The following SH3KBP1 variants were observed in gnomAD, a reference collection of about 807,000 sequenced individuals.
SH3KBP1 encodes the protein SH3 domain containing kinase binding protein 1.
Under a neutral mutation model 50.1 loss-of-function variants are expected in SH3KBP1, and 8 were observed. That is an observed-to-expected ratio of 0.16 (90% CI 0.09 to 0.29). SH3KBP1 has a LOEUF of 0.29. SH3KBP1 is among the 10% of genes least tolerant of loss of function. SH3KBP1 has a pLI of 1.00. For synonymous variants in SH3KBP1, 227 were observed against 218.6 expected (o/e 1.04, Z -0.34); for missense variants, 377 against 535.2 (o/e 0.70, Z 2.92).
intron 13 of SH3KBP1, among the ~76,000 whole-genome samples, chrX:19,554,841 A>G (rs113245052): frequency 1.2e-4 from 14 of 113,129 alleles, no homozygotes; most frequent in Non-Finnish European, 2.4e-4. Flanking sequence ...AGGGAACCTC[A>G]GGTTACCCTG....
At chrX:19,606,485 C>T (rs766218785) in intron 9 of SH3KBP1, among the ~76,000 whole-genome samples, 8 of 112,702 alleles carry the variant, frequency 7.1e-5, no homozygotes, top group Non-Finnish European at 1.3e-4. Context: ...ACTATTGCTA[C>T]AGTCATCAGT....
At chrX:19,559,028 G>C (rs746344582) in intron 13 of SH3KBP1, among the ~76,000 whole-genome samples, 2 of 110,288 alleles carry the variant, frequency 1.8e-5, no homozygotes, top group African/African-American at 6.6e-5. Flanking sequence ...AGCACATTGG[G>C]AGGTCGAGGC....
At chrX:19,540,908 A>C (rs2147525979) in intron 16 of SH3KBP1, among the ~76,000 whole-genome samples, 1 of 110,199 alleles carries the variant, frequency 9.1e-6, no homozygotes, top group South Asian at 3.8e-4. Flanking sequence ...TACTCAGAGC[A>C]GTGCCTCCCT....
rs545682509 is a variant in SH3KBP1, at chrX:19,876,382, A to T, written c.4+10925T>A. On this transcript the variant is annotated intron_variant, in intron 1 of 17. Transcript: ENST00000397821. ...TCAAGAAAACAAAAACAAACAAACA[A>T]AAAAAACACCTAGATGGGTTAAGAT... Among the ~76,000 whole-genome samples, 73 of 109,180 alleles carry T rather than the reference A, an allele frequency of 6.7e-4. 1 individual carries two copies. In the South Asian group the frequency reaches 0.026, roughly 38 times the overall value. The allele number at this position is 109,180 out of a possible 115,157, so 94.8% of individuals were successfully genotyped here.
At chrX:19,577,475 T>C (rs376939482) in intron 12 of SH3KBP1, among the ~76,000 whole-genome samples, 1 of 111,156 alleles carries the variant, frequency 9.0e-6, no homozygotes, top group African/African-American at 3.3e-5. Flanking sequence ...TAAACAAAAA[T>C]CATGCACTCG....
intron 4 of SH3KBP1, among the ~76,000 whole-genome samples, chrX:19,696,575 G>C (rs1378246091): frequency 9.0e-6 from 1 of 111,301 alleles, no homozygotes; most frequent in Non-Finnish European, 1.9e-5. Flanking sequence ...GAATGGATGA[G>C]GCAGATTTGG....
chrX:19,887,372 G>T lies in SH3KBP1; in HGVS notation c.-62C>A, dbSNP rs2069626957. The T allele has an allele frequency of 7.6e-6, 7 of 919,265 alleles. 1 individual carries two copies. The highest frequency in any genetic ancestry group is 9.5e-6 in the Non-Finnish European group (7 of 735,851). 75.8% of individuals were successfully genotyped at this position (919,265 alleles called of 1,213,427 possible). On this transcript the variant is annotated 5_prime_UTR_variant, in exon 1 of 18. Coordinates refer to ENST00000397821, the MANE Select transcript of SH3KBP1 (RefSeq NM_031892.3). ...AAAGTTGGCGGAGGCGGGCGTGGGG[G>T]TTGGGGCGCCGGGATCGGGGCGCTG...
At chrX:19,751,366 G>T (rs980510764) in intron 2 of SH3KBP1, among the ~76,000 whole-genome samples, 1 of 111,165 alleles carries the variant, frequency 9.0e-6, no homozygotes, top group Non-Finnish European at 1.9e-5. Flanking sequence ...CATCAGGCCC[G>T]TGTTTTTTTG....
intron 4 of SH3KBP1, among the ~76,000 whole-genome samples, chrX:19,699,063 C>T (rs2044196613): frequency 8.9e-6 from 1 of 111,774 alleles, no homozygotes; most frequent in Non-Finnish European, 1.9e-5. Flanking sequence ...GGTACTGCCA[C>T]ACCCAGGACT....
At chrX:19,584,332 C>CAT (rs1288912657) in intron 12 of SH3KBP1, among the ~76,000 whole-genome samples, 4 of 97,197 alleles carry the variant, frequency 4.1e-5, no homozygotes, top group South Asian at 4.4e-4. Context: ...TATAAATACA[C>CAT]ATATATATAT....
intron 6 of SH3KBP1, among the ~76,000 whole-genome samples, chrX:19,668,969 TATA>T (rs1420233778): frequency 8.7e-4 from 44 of 50,668 alleles, no homozygotes; most frequent in African/African-American, 2.3e-3. Flanking sequence ...TATATATATA[TATA>T]TATTTTTTGA....
In SH3KBP1 at chrX:19,594,985, G is replaced by A; in HGVS notation, c.1021C>T (p.Pro341Ser). The A allele has an allele frequency of 1.7e-6, 2 of 1,199,881 alleles. No homozygotes were observed. Among genetic ancestry groups the A allele is most frequent in the Non-Finnish European group, 2.3e-6 (2 of 884,817 alleles). The change falls in exon 10 of 18, where the codon CCG (proline) becomes TCG (serine). Residue 341 changes from proline (P) to serine (S), a missense_variant. Coordinates refer to ENST00000397821, the MANE Select transcript of SH3KBP1 (RefSeq NM_031892.3). ...TTGATGACAGGAGCGGATGGAGGCG[G>A]TGGCTTCTTGGGTCTCTGAAAAATT... is the stretch of plus-strand genomic sequence containing the variant. ...EKEGNRPKKP[P>S]PPSAPVIKQG...
intron 13 of SH3KBP1, among the ~76,000 whole-genome samples, chrX:19,551,975 G>A (rs1158753728): frequency 9.0e-6 from 1 of 111,566 alleles, no homozygotes; most frequent in Non-Finnish European, 1.9e-5. Flanking sequence ...TTGTAACAAC[G>A]AAAAGAAAGT....
intron 4 of SH3KBP1, 71 bp from the exon 5 acceptor site, chrX:19,695,812 C>A: frequency 1.9e-6 from 2 of 1,067,337 alleles, no homozygotes; most frequent in Non-Finnish European, 2.6e-6. Flanking sequence ...AATTTTGCCT[C>A]CCATATGTAT....
Position 19,646,816 on chromosome X carries a change from C to T in SH3KBP1, c.727-1341G>A, listed in dbSNP as rs188918725. On this transcript the variant is annotated intron_variant, in intron 6 of 17. Transcript: ENST00000397821. ...TGACAGAAAGCCTTTACGTCTTACA[C>T]GGTGACATTTTTATTTAGTGCCGCA... Among the ~76,000 whole-genome samples, 37 of 112,167 alleles carry T rather than the reference C, an allele frequency of 3.3e-4. 1 individual carries two copies. The highest frequency in any genetic ancestry group is 8.4e-4 in the African/African-American group (26 of 30,847).
chrX:19,870,630 GCCA>G (rs1449815585), intron 1 of SH3KBP1, among the ~76,000 whole-genome samples: 1 of 112,038 alleles, frequency 8.9e-6, no homozygotes, highest in Non-Finnish European at 1.9e-5. Flanking sequence ...AGAAGCGTGA[GCCA>G]CCATGCCCAG....
intron 2 of SH3KBP1, among the ~76,000 whole-genome samples, chrX:19,801,168 C>T (rs1451510598): frequency 8.9e-6 from 1 of 111,989 alleles, no homozygotes; most frequent in Non-Finnish European, 1.9e-5. Context: ...CTCCTACATA[C>T]GGGCTGTGAG....
intron 3 of SH3KBP1, among the ~76,000 whole-genome samples, chrX:19,717,786 G>A (rs550452310): frequency 2.7e-5 from 3 of 111,309 alleles, no homozygotes; most frequent in Middle Eastern, 9.3e-3. Flanking sequence ...TCTTACAAAC[G>A]TATGGCCCCC....
chrX:19,771,019 A>C (rs1178212683), intron 2 of SH3KBP1, among the ~76,000 whole-genome samples: 1 of 111,912 alleles, frequency 8.9e-6, no homozygotes, highest in East Asian at 2.8e-4. Context: ...TTTTGCTAAC[A>C]TACTGAATTT....
Sources: gnomAD v4.1 joint callset for allele counts (sites outside exome capture counted in the v4.1 genomes callset) on GRCh38, gnomAD v4.1.1 for gene constraint, MANE v1.5 for transcripts, NCBI Gene and HGNC (gene_info 2026-07-23, HGNC 2026-07-21) for gene names.